DYSF: variants seen among roughly 807,000 people sequenced by gnomAD.
DYSF encodes dystrophy-associated fer-1-like 1.
A neutral mutation model predicts 274.9 loss-of-function variants in DYSF; 212 were observed. That is an observed-to-expected ratio of 0.77 (90% CI 0.69 to 0.86). DYSF has a LOEUF of 0.86. Among genes scored for constraint, DYSF ranks in the 40% least tolerant of loss-of-function variants. The pLI, the probability that DYSF is intolerant of heterozygous loss-of-function variation, is 0.00. For synonymous variants in DYSF, 1,091 were observed against 1,078.7 expected, an observed-to-expected ratio of 1.01 and a Z score of -0.22; for missense variants, 2,666 against 2,783.2, an observed-to-expected ratio of 0.96 and a Z score of 0.95.
At chr2:71,476,437 A>C (rs1573361606) in intron 1 of DYSF, among the ~76,000 whole-genome samples, 1 of 151,720 alleles carries the variant, frequency 6.6e-6, no homozygotes, top group African/African-American at 2.4e-5. Context: ...GCTACTCGGG[A>C]GGCTGAGGCA....
chr2:71,618,087 A>T (rs1276777857), intron 40 of DYSF, among the ~76,000 whole-genome samples: 1 of 14,776 alleles, frequency 6.8e-5, no homozygotes, highest in East Asian at 2.9e-3. Context: ...TGTGGTAGAG[A>T]TGGGGTGTGT....
chr2:71,602,739 TCTC>T lies in DYSF; in HGVS notation c.3928-34_3928-32del, dbSNP rs770140814. On this transcript the variant is annotated intron_variant, in intron 35 of 55. Coordinates refer to ENST00000410020, the MANE Select transcript of DYSF (RefSeq NM_001130987.2). ...TTTCCCCTTCCAACCCCTCTCACCA[TCTC>T]CTGGATGTGCCACATCCCATGGCTG... The T allele has an allele frequency of 6.8e-6, 11 of 1,610,026 alleles. No individual in the cohort carries two copies. The East Asian group carries it at 2.5e-4, about 36-fold the overall frequency.
chr2:71,628,104 C>T (rs1402685488), intron 41 of DYSF, among the ~76,000 whole-genome samples: 2 of 151,944 alleles, frequency 1.3e-5, no homozygotes, highest in African/African-American at 2.4e-5. Flanking sequence ...AGCCTTTTTT[C>T]AATTAAAATA....
chr2:71,588,972 C>T (rs940752855), intron 30 of DYSF, among the ~76,000 whole-genome samples: 1 of 152,138 alleles, frequency 6.6e-6, no homozygotes, highest in Non-Finnish European at 1.5e-5. Context: ...GAGCCCAGTG[C>T]TAATGAGGGC....
At chr2:71,504,133 A>C (rs578165859) in intron 4 of DYSF, among the ~76,000 whole-genome samples, 4 of 152,234 alleles carry the variant, frequency 2.6e-5, no homozygotes, top group African/African-American at 9.6e-5. Flanking sequence ...CAGATCTCTG[A>C]ATGGAACGAG....
At chr2:71,530,984 G>A (rs935429184) in intron 14 of DYSF, among the ~76,000 whole-genome samples, 4 of 152,106 alleles carry the variant, frequency 2.6e-5, no homozygotes, top group African/African-American at 9.7e-5. Context: ...GAAGATAGGA[G>A]TGTGGGAGAG....
chr2:71,591,628 C>T (rs569574442), intron 32 of DYSF, among the ~76,000 whole-genome samples: 1 of 152,368 alleles, frequency 6.6e-6, no homozygotes, highest in East Asian at 1.9e-4. Flanking sequence ...TACCAAGTGA[C>T]AGAGCTTGGA....
chr2:71,492,228 T>C (rs2083914996), intron 3 of DYSF, among the ~76,000 whole-genome samples: 1 of 152,198 alleles, frequency 6.6e-6, no homozygotes, highest in Non-Finnish European at 1.5e-5. Flanking sequence ...AATCAGATAC[T>C]GGCCGGAAGG....
At chr2:71,523,625 C>T (rs2087546959) in intron 12 of DYSF, among the ~76,000 whole-genome samples, 1 of 149,536 alleles carries the variant, frequency 6.7e-6, no homozygotes, top group Admixed American at 6.7e-5. Flanking sequence ...CGGCTCACTG[C>T]AACCTCCGCC....
At chr2:71,644,087 A>C (rs1490220365) in intron 42 of DYSF, 24 bp downstream of exon 42, 3 of 1,588,738 alleles carry the variant, frequency 1.9e-6, no homozygotes, top group South Asian at 1.1e-5. Flanking sequence ...TCAGTCTGAC[A>C]GTCGGTGTGT....
At position 71,611,371 on chromosome 2, in the gene DYSF, G is replaced by A. The variant is rs184640305; in HGVS notation, c.4059+25G>A. On this transcript the variant is annotated intron_variant, in intron 37 of 55. Transcript: ENST00000410020. The stretch of plus-strand genomic sequence containing the variant: ...GGTGAGCCGTCCGGGCCTGGGCGTG[G>A]GGGCTGGGAGCAGCCTGCCCTTCCC... The A allele has an allele frequency of 5.0e-4, 808 of 1,600,622 alleles. 12 individuals carry two copies. In the East Asian group the frequency reaches 0.015, roughly 29 times the overall value.
intron 3 of DYSF, among the ~76,000 whole-genome samples, chr2:71,484,045 CTTTTTTTTTTT>C (rs59780652): frequency 2.1e-4 from 14 of 67,592 alleles, no homozygotes; most frequent in Admixed American, 1.2e-3. Context: ...GGAGATTTCC[CTTTTTTTTTTT>C]TTTTTTTTTT....
intron 40 of DYSF, among the ~76,000 whole-genome samples, chr2:71,617,537 G>C (rs2093912398): frequency 6.6e-6 from 1 of 152,162 alleles, no homozygotes; most frequent in East Asian, 1.9e-4. Context: ...ATGTGGCAAA[G>C]GGGTACGTGT....
chr2:71,480,136 A>C (rs999093498), intron 1 of DYSF, among the ~76,000 whole-genome samples: 2 of 152,060 alleles, frequency 1.3e-5, no homozygotes, highest in Admixed American at 1.3e-4. Context: ...GTCTCTACAG[A>C]TTTGCCTATT....
chr2:71,631,769 G>A (rs1406059650), intron 41 of DYSF, among the ~76,000 whole-genome samples: 3 of 151,956 alleles, frequency 2.0e-5, no homozygotes, highest in Non-Finnish European at 2.9e-5. Context: ...CCTCGTTGCC[G>A]GAGCCCTTGG....
intron 5 of DYSF, 91 bp from the exon 6 acceptor site, chr2:71,513,149 G>T (rs2086271224): frequency 7.2e-6 from 9 of 1,255,170 alleles, no homozygotes; most frequent in Non-Finnish European, 1.0e-5. Flanking sequence ...GGCGGGGAAG[G>T]CAGGGTTGGG....
chr2:71,527,528 A>C (rs1288001116), intron 13 of DYSF, among the ~76,000 whole-genome samples: 2 of 152,212 alleles, frequency 1.3e-5, no homozygotes, highest in African/African-American at 4.8e-5. Flanking sequence ...GCATGGGGAA[A>C]TAGAAATGTT....
intron 26 of DYSF, 61 bp downstream of exon 26, chr2:71,568,399 C>G: frequency 6.3e-7 from 1 of 1,593,412 alleles, no homozygotes; most frequent in East Asian, 2.2e-5. Flanking sequence ...ATGGACTGCA[C>G]CCTCCTTTTG....
chr2:71,461,759 G>T (rs896170493), upstream of DYSF, among the ~76,000 whole-genome samples: 6 of 152,200 alleles, frequency 3.9e-5, no homozygotes, highest in African/African-American at 1.4e-4. Context: ...GATGCTGTGG[G>T]CACACAGATG....
Sources: gnomAD v4.1 joint callset for allele counts (sites outside exome capture counted in the v4.1 genomes callset) on GRCh38, gnomAD v4.1.1 for gene constraint, MANE v1.5 for transcripts, NCBI Gene and HGNC (gene_info 2026-07-23, HGNC 2026-07-21) for gene names.